KCNH1: variants seen among roughly 807,000 people sequenced by gnomAD.
KCNH1 encodes the protein voltage-gated delayed rectifier potassium channel KCNH1.
KCNH1 carries 27 observed loss-of-function variants against 69.2 expected under a neutral mutation model. The observed-to-expected ratio is 0.39, with a 90% CI of 0.29 to 0.54. The LOEUF (loss-of-function observed/expected upper bound fraction) is 0.54. KCNH1 is among the 20% of genes least tolerant of loss of function. The pLI is 0.68. For synonymous variants in KCNH1, 456 were observed against 487.7 expected (o/e 0.93, Z 0.86); for missense variants, 798 against 1,261.6 (o/e 0.63, Z 5.57).
chr1:211,126,568 G>A (rs990549941), intron 1 of KCNH1, among the ~76,000 whole-genome samples: 5 of 151,646 alleles, frequency 3.3e-5, no homozygotes, highest in Admixed American at 1.3e-4. Flanking sequence ...CCAGCTACTC[G>A]GGAGGCTGAG....
intron 7 of KCNH1, among the ~76,000 whole-genome samples, chr1:210,885,621 C>T (rs1574317168): frequency 6.6e-6 from 1 of 152,214 alleles, no homozygotes; most frequent in African/African-American, 2.4e-5. Flanking sequence ...CTCAATGGAC[C>T]CCAGCAAGCT....
intron 5 of KCNH1, among the ~76,000 whole-genome samples, chr1:211,067,794 A>T (rs1314720182): frequency 6.6e-6 from 1 of 152,180 alleles, no homozygotes; most frequent in Non-Finnish European, 1.5e-5. Flanking sequence ...CCCAAATGAG[A>T]AACAGGATAG....
At chr1:210,995,769 C>A (rs1689020788) in intron 6 of KCNH1, among the ~76,000 whole-genome samples, 1 of 152,144 alleles carries the variant, frequency 6.6e-6, no homozygotes, top group African/African-American at 2.4e-5. Context: ...GAGATTTTGC[C>A]ACTAAATAGG....
chr1:211,076,212 CA>C (rs1690729577), intron 5 of KCNH1, among the ~76,000 whole-genome samples: 2 of 152,242 alleles, frequency 1.3e-5, no homozygotes, highest in Non-Finnish European at 2.9e-5. Flanking sequence ...CCCTGTCTAA[CA>C]GCTCTGAAGA....
At chr1:211,069,285 A>AC (rs1382386652) in intron 5 of KCNH1, among the ~76,000 whole-genome samples, 3 of 91,214 alleles carry the variant, frequency 3.3e-5, no homozygotes, top group African/African-American at 4.4e-5. Flanking sequence ...TTCCTCCCCC[A>AC]CCCCCCACCC....
intron 6 of KCNH1, among the ~76,000 whole-genome samples, chr1:210,948,493 C>G (rs564126883): frequency 4.6e-5 from 7 of 152,182 alleles, no homozygotes; most frequent in South Asian, 2.1e-4. Context: ...TCTGTCACAA[C>G]TACTCAATGC....
intron 6 of KCNH1, among the ~76,000 whole-genome samples, chr1:210,957,692 CT>C (rs1434240728): frequency 1.2e-4 from 18 of 152,050 alleles, no homozygotes; most frequent in Non-Finnish European, 2.5e-4. Context: ...CTCTTTTGAT[CT>C]TTTTTGGTTT....
chr1:210,824,969 C>G (rs1179663508), intron 7 of KCNH1, among the ~76,000 whole-genome samples: 1 of 152,100 alleles, frequency 6.6e-6, no homozygotes, highest in Non-Finnish European at 1.5e-5. Context: ...TTAAAATCAC[C>G]AATCTTATAA....
intron 7 of KCNH1, among the ~76,000 whole-genome samples, chr1:210,905,979 C>G (rs1276838997): frequency 6.6e-6 from 1 of 152,246 alleles, no homozygotes; most frequent in Non-Finnish European, 1.5e-5. Flanking sequence ...CCTTACTCCT[C>G]TCAAACCAAA....
At chr1:210,783,753 G>T (rs1331220027) in intron 9 of KCNH1, among the ~76,000 whole-genome samples, 2 of 152,126 alleles carry the variant, frequency 1.3e-5, no homozygotes, top group African/African-American at 4.8e-5. Flanking sequence ...TCTTACACCT[G>T]GACTGCTAGG....
chr1:211,052,465 A>C (rs1690225479), intron 5 of KCNH1, among the ~76,000 whole-genome samples: 1 of 152,236 alleles, frequency 6.6e-6, no homozygotes, highest in Non-Finnish European at 1.5e-5. Context: ...AGGTACTTAC[A>C]GTAGAAGCTC....
intron 6 of KCNH1, among the ~76,000 whole-genome samples, chr1:210,954,225 G>A (rs902413227): frequency 6.6e-6 from 1 of 152,054 alleles, no homozygotes; most frequent in Non-Finnish European, 1.5e-5. Flanking sequence ...TCCCAGAAAA[G>A]GGCATGAACT....
At position 211,070,821 on chromosome 1, in the gene KCNH1, C is replaced by CAA. The variant is rs35631739; in HGVS notation, c.558+11957_558+11958dup. Among the ~76,000 whole-genome samples, 248 of 130,390 alleles carry CAA rather than the reference C, an allele frequency of 1.9e-3. 2 individuals are homozygous for CAA. In the East Asian group the frequency reaches 0.026, roughly 13 times the overall value. The allele number at this position is 130,390 out of a possible 152,430, so 85.5% of individuals were successfully genotyped here. ...TGGGGGACAGAGCGAGACTCCATCT[C>CAA]AAAAAAAAAAAAATTAGGAAAAAAA... On this transcript the variant is annotated intron_variant, in intron 5 of 10. Transcript: ENST00000271751.
intron 6 of KCNH1, among the ~76,000 whole-genome samples, chr1:210,972,683 A>G (rs1315299022): frequency 6.6e-6 from 1 of 152,128 alleles, no homozygotes; most frequent in Non-Finnish European, 1.5e-5. Context: ...ACACAATGAA[A>G]TCATGCCTGC....
At chr1:210,922,117 C>A (rs576590774) in intron 6 of KCNH1, among the ~76,000 whole-genome samples, 13 of 151,704 alleles carry the variant, frequency 8.6e-5, no homozygotes, top group African/African-American at 3.1e-4. Flanking sequence ...CGCGGTGGCT[C>A]ATGCCTGTAA....
At chr1:210,723,295 G>GA (rs931551223) in intron 10 of KCNH1, among the ~76,000 whole-genome samples, 3 of 151,664 alleles carry the variant, frequency 2.0e-5, no homozygotes, top group East Asian at 1.9e-4. Context: ...TTAGCCATGA[G>GA]AAAAAAAATG....
chr1:210,785,692 C>A (rs1057045130), intron 9 of KCNH1, among the ~76,000 whole-genome samples: 1 of 152,146 alleles, frequency 6.6e-6, no homozygotes, highest in African/African-American at 2.4e-5. Flanking sequence ...TGATATGTCT[C>A]TCCATGGTAA....
chr1:210,784,668 G>T (rs1684059751), intron 9 of KCNH1, among the ~76,000 whole-genome samples: 1 of 152,122 alleles, frequency 6.6e-6, no homozygotes, highest in African/African-American at 2.4e-5. Flanking sequence ...TCTAGGTTTT[G>T]TGGGAGATCT....
chr1:211,062,161 A>G (rs1260309536), intron 5 of KCNH1, among the ~76,000 whole-genome samples: 7 of 152,162 alleles, frequency 4.6e-5, no homozygotes, highest in East Asian at 1.9e-4. Context: ...AAATAAATCC[A>G]TACTTCTAGA....
Sources: gnomAD v4.1 joint callset for allele counts (sites outside exome capture counted in the v4.1 genomes callset) on GRCh38, gnomAD v4.1.1 for gene constraint, MANE v1.5 for transcripts, NCBI Gene and HGNC (gene_info 2026-07-23, HGNC 2026-07-21) for gene names.